Variants in SPAG16 observed in about 807,000 individuals in gnomAD.
SPAG16 encodes sperm associated antigen 16.
SPAG16 carries 86 observed loss-of-function variants against 80.4 expected under a neutral mutation model. That is an observed-to-expected ratio of 1.07 (90% CI 0.90 to 1.28). The LOEUF is 1.28. Among genes scored for constraint, SPAG16 ranks in the 50% most tolerant of loss-of-function variants. The probability of loss-of-function intolerance (pLI) is 0.00; values close to 1 mark genes in which losing one functional copy is unlikely to be tolerated. For missense variants in SPAG16, 870 were observed against 765.3 expected, an observed-to-expected ratio of 1.14 and a Z score of -1.61; for synonymous variants, 294 against 265.9, an observed-to-expected ratio of 1.11 and a Z score of -1.03.
chr2:214,235,356 A>G (rs1689002835), intron 15 of SPAG16, among the ~76,000 whole-genome samples: 1 of 152,168 alleles, frequency 6.6e-6, no homozygotes, highest in Non-Finnish European at 1.5e-5. Flanking sequence ...AATGCCCCAT[A>G]GCTTTCTTAA....
At chr2:214,319,223 C>CACACACACACACACACACAA (rs1352747000) in intron 15 of SPAG16, among the ~76,000 whole-genome samples, 7 of 151,098 alleles carry the variant, frequency 4.6e-5, no homozygotes, top group Non-Finnish European at 1.0e-4. Context: ...CACACACACA[C>CACACACACACACACACACAA]AAGAAGTGTA....
intron 10 of SPAG16, among the ~76,000 whole-genome samples, chr2:213,515,377 G>C (rs965771652): frequency 2.0e-5 from 3 of 152,022 alleles, no homozygotes; most frequent in African/African-American, 7.2e-5. Flanking sequence ...TTTACCTAAG[G>C]ATAAAAACCA....
chr2:213,506,022 A>G (rs1265863544), intron 10 of SPAG16, among the ~76,000 whole-genome samples: 1 of 151,746 alleles, frequency 6.6e-6, no homozygotes, highest in African/African-American at 2.4e-5. Flanking sequence ...ATTTCTTTGT[A>G]ATTTATGAGA....
intron 14 of SPAG16, among the ~76,000 whole-genome samples, chr2:214,133,795 G>A (rs1182606269): frequency 1.3e-5 from 2 of 152,156 alleles, no homozygotes; most frequent in African/African-American, 4.8e-5. Context: ...AATTTCAACT[G>A]AATAGAATTG....
chr2:213,464,517 C>A (rs1250975152), intron 9 of SPAG16, among the ~76,000 whole-genome samples: 1 of 152,124 alleles, frequency 6.6e-6, no homozygotes, highest in East Asian at 1.9e-4. Context: ...CTTCTATCAC[C>A]TCAGAGACTT....
intron 9 of SPAG16, among the ~76,000 whole-genome samples, chr2:213,462,094 A>G (rs1264961101): frequency 6.6e-6 from 1 of 152,256 alleles, no homozygotes; most frequent in Non-Finnish European, 1.5e-5. Context: ...TGACACATTA[A>G]CAGCAAATAA....
chr2:214,202,313 A>G (rs1001537946), intron 15 of SPAG16, among the ~76,000 whole-genome samples: 1 of 152,194 alleles, frequency 6.6e-6, no homozygotes, highest in South Asian at 2.1e-4. Context: ...AATTGATGAC[A>G]AAAGTATTTA....
At chr2:213,772,353 G>C (rs147195784) in intron 10 of SPAG16, among the ~76,000 whole-genome samples, 230 of 152,178 alleles carry the variant, frequency 1.5e-3, no homozygotes, top group African/African-American at 5.3e-3. Flanking sequence ...AAGCAGGATT[G>C]GGCCTGGTTA....
At chr2:213,947,753 A>G (rs951920552) in intron 12 of SPAG16, among the ~76,000 whole-genome samples, 4 of 152,142 alleles carry the variant, frequency 2.6e-5, no homozygotes, top group African/African-American at 9.6e-5. Context: ...AAAAATCCAT[A>G]GTCTATGTGG....
rs547335331 is a variant in SPAG16, at chr2:213,502,310, A to G, written c.1070+12220A>G. 8.0e-4 allele frequency among the ~76,000 whole-genome samples: 121 copies of G among 151,974 alleles called. 1 individual carries two copies. The highest frequency in any genetic ancestry group is 2.3e-3 in the Admixed American group (35 of 15,266). On this transcript the variant is annotated intron_variant, in intron 10 of 15. Transcript: ENST00000331683. ...TAAAAAATTTTTTTTTTCTGTAGAGATGGGGTCTTGCCATGTTTCCCAGGC... is the reference window on the plus strand; with the variant it reads ...TAAAAAATTTTTTTTTTCTGTAGAGGTGGGGTCTTGCCATGTTTCCCAGGC...
intron 9 of SPAG16, among the ~76,000 whole-genome samples, chr2:213,376,234 C>T (rs932323552): frequency 8.6e-5 from 13 of 151,766 alleles, no homozygotes; most frequent in South Asian, 2.1e-4. Flanking sequence ...CATCTTCTAA[C>T]GGTATAAGTA....
chr2:213,812,413 A>G (rs1043086034), intron 10 of SPAG16, among the ~76,000 whole-genome samples: 1 of 152,222 alleles, frequency 6.6e-6, no homozygotes, highest in Non-Finnish European at 1.5e-5. Flanking sequence ...TAAGAGACTC[A>G]GCTTTAGGTT....
intron 10 of SPAG16, among the ~76,000 whole-genome samples, chr2:213,617,943 CT>C (rs1431735943): frequency 6.6e-6 from 1 of 152,164 alleles, no homozygotes; most frequent in African/African-American, 2.4e-5. Context: ...GTCTACAAAA[CT>C]TTCCTTTGTA....
At chr2:213,954,351 T>C (rs1324294722) in intron 12 of SPAG16, among the ~76,000 whole-genome samples, 1 of 152,090 alleles carries the variant, frequency 6.6e-6, no homozygotes. Context: ...TATGTATCAA[T>C]AGCTTATCCA....
At chr2:214,180,147 A>G (rs2125666755) in intron 15 of SPAG16, among the ~76,000 whole-genome samples, 1 of 151,750 alleles carries the variant, frequency 6.6e-6, no homozygotes, top group East Asian at 1.9e-4. Context: ...AAATTATAAT[A>G]CCTATATTTC....
intron 12 of SPAG16, among the ~76,000 whole-genome samples, chr2:213,937,585 G>A (rs931162760): frequency 6.6e-6 from 1 of 151,688 alleles, no homozygotes; most frequent in African/African-American, 2.4e-5. Flanking sequence ...TGAGTATTAC[G>A]GAGCATAGAC....
intron 10 of SPAG16, among the ~76,000 whole-genome samples, chr2:213,503,473 C>A (rs578190453): frequency 6.6e-6 from 1 of 152,344 alleles, no homozygotes; most frequent in African/African-American, 2.4e-5. Context: ...TTGCTCCTCA[C>A]CACCCCTCAT....
At chr2:214,218,043 C>T (rs554825214) in intron 15 of SPAG16, among the ~76,000 whole-genome samples, 2 of 152,124 alleles carry the variant, frequency 1.3e-5, no homozygotes, top group South Asian at 4.2e-4. Flanking sequence ...TCACTACATC[C>T]CAGCATAAAC....
At chr2:213,552,356 C>T (rs1299417436) in intron 10 of SPAG16, among the ~76,000 whole-genome samples, 1 of 152,210 alleles carries the variant, frequency 6.6e-6, no homozygotes, top group South Asian at 2.1e-4. Context: ...TTCCCGAGCC[C>T]TGCTTCTTCA....
Sources: allele counts gnomAD v4.1 joint callset (sites outside exome capture counted in the v4.1 genomes callset), GRCh38; gene constraint gnomAD v4.1.1; transcripts MANE v1.5; gene names NCBI Gene and HGNC (gene_info 2026-07-23, HGNC 2026-07-21).